Variants in IFT172 observed in about 807,000 individuals in gnomAD.
IFT172 encodes the protein intraflagellar transport 172, also known as intraflagellar transport protein 172 homolog.
In IFT172, 164 loss-of-function variants were observed where a neutral mutation model predicts 248.9. The ratio of observed to expected loss-of-function variants is 0.66; its 90% CI spans 0.58 to 0.75. IFT172 has a LOEUF of 0.75. Among genes scored for constraint, IFT172 ranks in the 30% least tolerant of loss-of-function variants. IFT172 has a pLI of 0.00. For missense variants in IFT172, 1,950 were observed against 2,192.4 expected, an observed-to-expected ratio of 0.89 and a Z score of 2.21; for synonymous variants, 729 against 791.6, an observed-to-expected ratio of 0.92 and a Z score of 1.33.
chr2:27,479,384 GAA>G lies in IFT172; in HGVS notation c.1005+123_1005+124del, dbSNP rs1668193077. ...TTGCCCTGACATATTCTGTTGCCCA[GAA>G]CAGCTCTTCCAGAGGGATGAAGATT... On this transcript the variant is annotated intron_variant, in intron 10 of 47. Coordinates refer to ENST00000260570, the MANE Select transcript of IFT172 (RefSeq NM_015662.3). 6 of 673,564 alleles carry G rather than the reference GAA, an allele frequency of 8.9e-6. No individual in the cohort carries two copies. In the Admixed American group the frequency reaches 1.0e-4, roughly 12 times the overall value. The allele number at this position is 673,564 out of a possible 1,614,324, so 41.7% of individuals were successfully genotyped here. A position where few individuals can be genotyped will look rare whatever the true frequency, so the allele number is the denominator to read the frequency against.
chr2:27,447,446 C>A, intron 42 of IFT172, 69 bp downstream of exon 42: 1 of 1,563,718 alleles, frequency 6.4e-7, no homozygotes, highest in South Asian at 1.2e-5. Context: ...GAACGTGAAT[C>A]AATTCAGCTT....
Position 27,484,279 on chromosome 2 carries a change from A to G in IFT172, c.297-13T>C, listed in dbSNP as rs376856549. The G allele has an allele frequency of 1.7e-5, 27 of 1,613,440 alleles. No homozygotes were observed. Among genetic ancestry groups the G allele is most frequent in the Middle Eastern group, 3.3e-4 (2 of 6,070 alleles). On this transcript the variant is annotated splice_polypyrimidine_tract_variant and intron_variant, in intron 3 of 47. Coordinates refer to ENST00000260570, the MANE Select transcript of IFT172 (RefSeq NM_015662.3). ...TTTCTTGTCACCCCTGCCAAACAAA[A>G]GAAGGGGAAACATATTAAAAACCAC...
chr2:27,452,469 T>A (rs1228776240), intron 35 of IFT172, among the ~76,000 whole-genome samples: 1 of 152,222 alleles, frequency 6.6e-6, no homozygotes, highest in Non-Finnish European at 1.5e-5. Context: ...TACACACATA[T>A]ACCTACAGTC....
Position 27,461,754 on chromosome 2 carries a change from G to A in IFT172, c.2193+5C>T, listed in dbSNP as rs2148507369. ...GAACAACTGTGGAGAAGATAAAACA[G>A]GTACCTTGGCTTCAGCCACAGCGAT... On this transcript the variant is annotated splice_donor_5th_base_variant and intron_variant, in intron 21 of 47. Transcript: ENST00000260570. 1.2e-6 allele frequency: 2 copies of A among 1,614,134 alleles called. No individual in the cohort carries two copies. Among genetic ancestry groups the A allele is most frequent in the South Asian group, 1.1e-5 (1 of 91,068 alleles).
intron 35 of IFT172, 139 bp from the exon 36 acceptor site, chr2:27,450,235 G>A: frequency 1.6e-6 from 1 of 623,888 alleles, no homozygotes; most frequent in Non-Finnish European, 2.8e-6. Context: ...GCACCCTCCT[G>A]GGCAAAACCT....
At position 27,454,709 on chromosome 2, in the gene IFT172, A is replaced by G. The variant is rs779265117; in HGVS notation, c.3372-49T>C. ...GTTTTCTTGCTTCATGCTTCCCTTC[A>G]TAAAAGGAACAAGACAAAACAGAGA... On this transcript the variant is annotated intron_variant, in intron 30 of 47. Transcript: ENST00000260570. This position sits in a 1 kb window ranked among gnomAD's most constrained non-coding sequence, Gnocchi z 4.2. 11 of 1,505,402 alleles carry G rather than the reference A, an allele frequency of 7.3e-6. No homozygotes were observed. Among genetic ancestry groups the G allele is most frequent in the Non-Finnish European group, 9.2e-6 (10 of 1,084,186 alleles). The allele number at this position is 1,505,402 out of a possible 1,614,324, so 93.3% of individuals were successfully genotyped here. A position where few individuals can be genotyped will look rare whatever the true frequency, so the allele number is the denominator to read the frequency against.
chr2:27,487,597 ATTAAT>A (rs1245300956), intron 1 of IFT172, among the ~76,000 whole-genome samples: 1 of 152,064 alleles, frequency 6.6e-6, no homozygotes, highest in Non-Finnish European at 1.5e-5. Flanking sequence ...TATTTATTTA[ATTAAT>A]TTATTTTTTG....
intron 16 of IFT172, among the ~76,000 whole-genome samples, chr2:27,470,256 G>A (rs1667452783): frequency 8.0e-6 from 1 of 125,620 alleles, no homozygotes; most frequent in Non-Finnish European, 1.7e-5. Flanking sequence ...AAAGAAGAGA[G>A]AGAAAGAGAG....
intron 1 of IFT172, 89 bp from the exon 2 acceptor site, chr2:27,485,592 G>A (rs79587828): frequency 1.4e-6 from 2 of 1,461,100 alleles, no homozygotes; most frequent in African/African-American, 2.8e-5. Context: ...GTGTAATACT[G>A]GTCAATTTTC....
chr2:27,453,315 G>T, intron 35 of IFT172, 69 bp downstream of exon 35: 1 of 1,580,714 alleles, frequency 6.3e-7, no homozygotes, highest in East Asian at 2.2e-5. Flanking sequence ...CTGAAGATGT[G>T]AGAAGCAGAG....
intron 16 of IFT172, among the ~76,000 whole-genome samples, chr2:27,469,953 G>A (rs1024469837): frequency 1.3e-5 from 2 of 152,088 alleles, no homozygotes; most frequent in Non-Finnish European, 2.9e-5. Context: ...CAGGGGAGTG[G>A]TTAGATGCTG....
At chr2:27,466,580 G>T (rs1269090660) in intron 16 of IFT172, among the ~76,000 whole-genome samples, 1 of 151,864 alleles carries the variant, frequency 6.6e-6, no homozygotes, top group African/African-American at 2.4e-5. Context: ...AAGCCCTCAG[G>T]ATTCCAAAAA....
Position 27,457,691 on chromosome 2 carries a change from T to C in IFT172, c.3176A>G (p.Lys1059Arg), listed in dbSNP as rs1235067668. The C allele has an allele frequency of 1.9e-6, 3 of 1,614,250 alleles. 1 individual carries two copies. The highest frequency in any genetic ancestry group is 2.5e-6 in the Non-Finnish European group (3 of 1,180,050). ...GGCCCGGTACATGTTCACTGTTGCC[T>C]TCCATTCCTGGGCCTCGAGGTAGTG... ...EYHYLEAQEW[K>R]ATVNMYRASG... The change falls in exon 29 of 48, where the codon AAG becomes AGG. Residue 1059 changes from lysine to arginine, a missense_variant. Around this residue, in one of 3 missense-constraint regions of IFT172, gnomAD observed 164 missense variants for 239.3 expected, o/e 0.69. Coordinates refer to ENST00000260570, the MANE Select transcript of IFT172 (RefSeq NM_015662.3).
chr2:27,463,884 T>C (rs1246019218), intron 18 of IFT172, among the ~76,000 whole-genome samples: 2 of 152,066 alleles, frequency 1.3e-5, no homozygotes, highest in Non-Finnish European at 2.9e-5. Flanking sequence ...AGCAGGAAGC[T>C]GGCATGAGAA....
chr2:27,457,853 T>C lies in IFT172; in HGVS notation c.3099A>G (p.Leu1033=). ...HHPDLLSDTH[L]HLGKELEAEG... The stretch of plus-strand genomic sequence containing the variant: ...GAGAAGGGCTCACCTTGCCCAGATG[T>C]AGGTGTGTATCACTGAGGAGATCTG... The change falls in exon 28 of 48, where the codon CTA becomes CTG. Residue 1033 remains leucine, a synonymous_variant. Transcript: ENST00000260570. 1 of 1,614,158 alleles carries C rather than the reference T, an allele frequency of 6.2e-7. No individual in the cohort carries two copies. Among genetic ancestry groups the C allele is most frequent in the Non-Finnish European group, 8.5e-7 (1 of 1,180,008 alleles).
chr2:27,463,692 G>C (rs1490553298), intron 18 of IFT172, among the ~76,000 whole-genome samples: 2 of 152,102 alleles, frequency 1.3e-5, no homozygotes, highest in Non-Finnish European at 2.9e-5. Flanking sequence ...GGTAGTTGGA[G>C]GTCTCTCTGA....
intron 16 of IFT172, among the ~76,000 whole-genome samples, chr2:27,470,445 TAC>T (rs1331098334): frequency 6.6e-6 from 1 of 152,132 alleles, no homozygotes; most frequent in Non-Finnish European, 1.5e-5. Context: ...GCTCTACCCA[TAC>T]ACACACACTC....
At chr2:27,453,888 C>A in intron 33 of IFT172, 94 bp downstream of exon 33, 4 of 1,447,600 alleles carry the variant, frequency 2.8e-6, no homozygotes, top group Non-Finnish European at 3.8e-6. Context: ...TACTAACCTC[C>A]CTGATCTTTC....
intron 4 of IFT172, 95 bp downstream of exon 4, chr2:27,484,132 G>C (rs1668579556): frequency 1.3e-6 from 2 of 1,534,264 alleles, no homozygotes; most frequent in Admixed American, 3.3e-5. Flanking sequence ...GTCACATTCA[G>C]ATGTTAGAAA....
Sources: allele counts gnomAD v4.1 joint callset (sites outside exome capture counted in the v4.1 genomes callset), GRCh38; gene constraint gnomAD v4.1.1; regional missense constraint gnomAD v4.1.1; non-coding constraint Gnocchi (gnomAD v3.1); transcripts MANE v1.5; gene names NCBI Gene and HGNC (gene_info 2026-07-23, HGNC 2026-07-21).